Variants in ADAMTS17 observed in about 807,000 individuals in gnomAD.
The protein encoded by ADAMTS17 is ADAM metallopeptidase with thrombospondin type 1 motif 17, also known as A disintegrin and metalloproteinase with thrombospondin motifs 17.
A neutral mutation model predicts 141.5 loss-of-function variants in ADAMTS17; 113 were observed. The observed-to-expected ratio is 0.80, with a 90% CI of 0.69 to 0.93. ADAMTS17 has a LOEUF of 0.93. Among genes scored for constraint, ADAMTS17 ranks in the 40% least tolerant of loss-of-function variants. The probability of loss-of-function intolerance (pLI) is 0.00; values close to 1 mark genes in which losing one functional copy is unlikely to be tolerated. For missense variants in ADAMTS17, 1,659 were observed against 1,517.9 expected (o/e 1.09, Z -1.54); for synonymous variants, 768 against 630.6 (o/e 1.22, Z -3.27).
chr15:100,260,295 A>C (rs998231934), intron 6 of ADAMTS17, among the ~76,000 whole-genome samples: 9 of 152,140 alleles, frequency 5.9e-5, no homozygotes, highest in African/African-American at 2.2e-4. Context: ...TCTTGACTCA[A>C]AACCAAATGT....
chr15:100,019,506 G>A (rs79305472), intron 18 of ADAMTS17, among the ~76,000 whole-genome samples: 1,549 of 152,276 alleles, frequency 0.01, 28 homozygotes, highest in African/African-American at 0.036. Flanking sequence ...AGTCAGGCTG[G>A]TATGTACTAA....
rs574238870 is a variant in ADAMTS17 at position 100,339,153 on chromosome 15, C to G, written c.450+1886G>C. ...CTGAACTCAGCCTGTTGGCCAGGTT[C>G]CTTTATCTAAAGCACAGCACCCTCA... is the stretch of plus-strand genomic sequence containing the variant. On this transcript the variant is annotated intron_variant, in intron 2 of 21. Coordinates refer to ENST00000268070, the MANE Select transcript of ADAMTS17 (RefSeq NM_139057.4). 336 of 985,456 alleles carry G rather than the reference C, an allele frequency of 3.4e-4. 1 individual carries two copies. In the African/African-American group the frequency reaches 5.1e-3, roughly 15 times the overall value. 61.0% of individuals were successfully genotyped at this position (985,456 alleles called of 1,614,324 possible).
chr15:100,281,455 C>G, intron 3 of ADAMTS17, 54 bp from the exon 4 acceptor site: 1 of 1,575,486 alleles, frequency 6.3e-7, no homozygotes, highest in South Asian at 1.1e-5. Flanking sequence ...CTTCCAAAAC[C>G]ATGCAGTGAA....
intron 14 of ADAMTS17, among the ~76,000 whole-genome samples, chr15:100,097,533 G>A (rs1192385691): frequency 2.0e-5 from 3 of 152,272 alleles, no homozygotes; most frequent in Non-Finnish European, 4.4e-5. Context: ...TCGGGTGCCA[G>A]GCTGGCTGCA....
At chr15:100,097,622 T>C (rs147655998) in intron 14 of ADAMTS17, among the ~76,000 whole-genome samples, 2,850 of 152,324 alleles carry the variant, frequency 0.019, 54 homozygotes, top group East Asian at 0.069. Flanking sequence ...TGGCAGCAGT[T>C]CTCCAACTTA....
chr15:100,025,169 A>G (rs975792157), intron 18 of ADAMTS17, among the ~76,000 whole-genome samples: 1 of 152,234 alleles, frequency 6.6e-6, no homozygotes, highest in Middle Eastern at 3.4e-3. Context: ...TAACTGTTAT[A>G]TTTTCATTAT....
intron 17 of ADAMTS17, among the ~76,000 whole-genome samples, chr15:100,051,070 T>C (rs759670009): frequency 2.0e-5 from 3 of 152,106 alleles, no homozygotes; most frequent in Non-Finnish European, 4.4e-5. Context: ...AGGAAGTCAT[T>C]TGCTGAGGTC....
chr15:100,334,171 C>T (rs188438147), intron 2 of ADAMTS17, among the ~76,000 whole-genome samples: 2 of 152,162 alleles, frequency 1.3e-5, no homozygotes, highest in Admixed American at 6.5e-5. Flanking sequence ...TGAAGCAGGA[C>T]GAGCTCTCAC....
At position 100,132,119 on chromosome 15, in the gene ADAMTS17, G is replaced by A. The variant is rs1050950692; in HGVS notation, c.1609C>T (p.Pro537Ser). ...CRAGECVSKT[P>S]IPEHVDGDWS... ...TCTCCGTCCACATGCTCCGGGATGGGCGTCTTGCTCACGCACTCCCCCGCG... is the reference window on the plus strand; with the variant it reads ...TCTCCGTCCACATGCTCCGGGATGGACGTCTTGCTCACGCACTCCCCCGCG... The change falls in exon 12 of 22, where the codon CCC (proline) becomes TCC (serine). Residue 537 changes from proline (P) to serine (S), a missense_variant. Transcript: ENST00000268070. 1.2e-6 allele frequency: 2 copies of A among 1,614,058 alleles called. No homozygotes were observed. Among genetic ancestry groups the A allele is most frequent in the African/African-American group, 2.7e-5 (2 of 75,074 alleles).
chr15:100,279,797 C>A (rs2044222893), intron 4 of ADAMTS17, among the ~76,000 whole-genome samples: 2 of 152,236 alleles, frequency 1.3e-5, no homozygotes, highest in South Asian at 4.1e-4. Flanking sequence ...TAGCCAAGAT[C>A]AGCAACTTGG....
At chr15:100,173,185 AT>A (rs201395610) in intron 8 of ADAMTS17, among the ~76,000 whole-genome samples, 18 of 151,594 alleles carry the variant, frequency 1.2e-4, no homozygotes, top group Middle Eastern at 3.4e-3. Context: ...TAGTTTAATT[AT>A]TTTTTTTCTT....
At chr15:100,012,862 T>C (rs2061215181) in intron 18 of ADAMTS17, among the ~76,000 whole-genome samples, 1 of 152,228 alleles carries the variant, frequency 6.6e-6, no homozygotes, top group Non-Finnish European at 1.5e-5. Context: ...GCTTTGGCTA[T>C]GCAGGCTCTT....
At chr15:100,121,069 C>T (rs7177620) in intron 12 of ADAMTS17, among the ~76,000 whole-genome samples, 7,228 of 152,154 alleles carry the variant, frequency 0.048, 519 homozygotes, top group African/African-American at 0.15. Context: ...AGTATAAGAA[C>T]TGAAATGAAA....
At chr15:100,063,991 C>T (rs528778489) in intron 15 of ADAMTS17, among the ~76,000 whole-genome samples, 11 of 152,252 alleles carry the variant, frequency 7.2e-5, no homozygotes, top group Admixed American at 2.6e-4. Flanking sequence ...CCTCCAAATT[C>T]GTATGTTGAA....
intron 8 of ADAMTS17, among the ~76,000 whole-genome samples, chr15:100,165,535 C>T (rs962670665): frequency 2.0e-5 from 3 of 152,158 alleles, no homozygotes; most frequent in African/African-American, 7.2e-5. Context: ...CTTAGAGCAT[C>T]CAAAAATGCA....
intron 8 of ADAMTS17, among the ~76,000 whole-genome samples, chr15:100,172,950 A>T (rs964845435): frequency 9.2e-5 from 14 of 152,220 alleles, no homozygotes; most frequent in African/African-American, 3.4e-4. Flanking sequence ...TCAAAGTTTG[A>T]GAGCCATTGC....
rs149574139 is a variant in ADAMTS17, at chr15:100,157,300, C to T, written c.1182-1980G>A. Reference sequence around the variant, plus strand: ...GAAGTCCAATTGGCAGACACCCGTCCTCAAAGAAGAGGCTTTCCCTCTCCA... The same window carrying T: ...GAAGTCCAATTGGCAGACACCCGTCTTCAAAGAAGAGGCTTTCCCTCTCCA... On this transcript the variant is annotated intron_variant, in intron 8 of 21. Transcript: ENST00000268070. 2.6e-3 allele frequency among the ~76,000 whole-genome samples: 392 copies of T among 152,282 alleles called. 2 individuals carry two copies. Among genetic ancestry groups the T allele is most frequent in the South Asian group, 0.013 (64 of 4,824 alleles).
chr15:100,049,639 C>T (rs2031988252), intron 17 of ADAMTS17, among the ~76,000 whole-genome samples: 1 of 152,158 alleles, frequency 6.6e-6, no homozygotes, highest in Non-Finnish European at 1.5e-5. Context: ...ACTGCACGGC[C>T]ATGCCTTTGT....
intron 7 of ADAMTS17, among the ~76,000 whole-genome samples, chr15:100,248,137 C>T (rs559158483): frequency 1.3e-5 from 2 of 152,284 alleles, no homozygotes; most frequent in East Asian, 1.9e-4. Flanking sequence ...CAGCCTGCAA[C>T]GGTGGAACAT....
Sources: allele counts gnomAD v4.1 joint callset (sites outside exome capture counted in the v4.1 genomes callset), GRCh38; gene constraint gnomAD v4.1.1; transcripts MANE v1.5; gene names NCBI Gene and HGNC (gene_info 2026-07-23, HGNC 2026-07-21).